Variants in PDGFD observed in about 807,000 individuals in gnomAD.
The protein encoded by PDGFD is platelet derived growth factor D.
A neutral mutation model predicts 44.7 loss-of-function variants in PDGFD; 30 were observed. That is an observed-to-expected ratio of 0.67 (90% confidence interval 0.50 to 0.91). The LOEUF (loss-of-function observed/expected upper bound fraction) is 0.91, where lower values mean the gene tolerates loss of function less well. Ranked by LOEUF, PDGFD falls within the 40% of genes least tolerant of loss-of-function variation. The pLI, the probability that PDGFD is intolerant of heterozygous loss-of-function variation, is 0.00. For missense variants in PDGFD, 445 were observed against 457.8 expected (o/e 0.97, Z 0.25); for synonymous variants, 173 against 168.4 (o/e 1.03, Z -0.21).
At chr11:104,085,040 AC>A (rs1331815501) in intron 1 of PDGFD, among the ~76,000 whole-genome samples, 1 of 150,802 alleles carries the variant, frequency 6.6e-6, no homozygotes, top group African/African-American at 2.4e-5. Context: ...ATATTTCAAA[AC>A]AAAAAAAATT....
rs550111282 is a variant in PDGFD at position 104,079,410 on chromosome 11, CAG to C, written c.125-79157_125-79156del. Among the ~76,000 whole-genome samples, 599 of 152,228 alleles carry C rather than the reference CAG, an allele frequency of 3.9e-3. 3 individuals are homozygous for C. The highest frequency in any genetic ancestry group is 0.013 in the African/African-American group (527 of 41,534). On this transcript the variant is annotated intron_variant, in intron 1 of 6. Coordinates refer to ENST00000393158, the MANE Select transcript of PDGFD (RefSeq NM_025208.5). ...TTTTCTTTCTTTTTCTTTTTCGAGA[CAG>C]AGTCTCACACTGTTGCCTGGACTGG...
At chr11:104,085,105 G>A (rs1378600009) in intron 1 of PDGFD, among the ~76,000 whole-genome samples, 1 of 150,988 alleles carries the variant, frequency 6.6e-6, no homozygotes, top group Non-Finnish European at 1.5e-5. Context: ...TTATCAGTTT[G>A]TACTTTTTTT....
At chr11:104,144,543 A>AAAAAACCCAACCAAC (rs1565347760) in intron 1 of PDGFD, among the ~76,000 whole-genome samples, 2 of 142,750 alleles carry the variant, frequency 1.4e-5, no homozygotes, top group African/African-American at 2.7e-5. Context: ...ACAAAACAAA[A>AAAAAACCCAACCAAC]CAAACAAACA....
At chr11:104,112,590 T>C (rs987473282) in intron 1 of PDGFD, among the ~76,000 whole-genome samples, 3 of 152,144 alleles carry the variant, frequency 2.0e-5, no homozygotes, top group South Asian at 2.1e-4. Context: ...ACTGTAGCAC[T>C]ATTCACAATG....
intron 3 of PDGFD, among the ~76,000 whole-genome samples, chr11:103,964,725 A>C (rs1435802918): frequency 1.3e-5 from 2 of 152,086 alleles, no homozygotes; most frequent in Non-Finnish European, 1.5e-5. Flanking sequence ...TGAGGTGCAC[A>C]GGGAGCAGGT....
chr11:103,909,468 A>G lies in PDGFD; in HGVS notation c.*226T>C, dbSNP rs1353719367. 1 of 509,298 alleles carries G rather than the reference A, an allele frequency of 2.0e-6. No individual in the cohort carries two copies. Among genetic ancestry groups the G allele is most frequent in the Non-Finnish European group, 3.5e-6 (1 of 282,428 alleles). The allele number at this position is 509,298 out of a possible 1,614,324, so 31.5% of individuals were successfully genotyped here. ...TGTGTTTGTGCATATATAACCTCAAACACTATTATTAAATGCAATCCTATA... is the reference window on the plus strand; with the variant it reads ...TGTGTTTGTGCATATATAACCTCAAGCACTATTATTAAATGCAATCCTATA... On this transcript the variant is annotated 3_prime_UTR_variant, in exon 7 of 7. Coordinates refer to ENST00000393158, the MANE Select transcript of PDGFD (RefSeq NM_025208.5).
chr11:104,119,109 T>TTAATA lies in PDGFD; in HGVS notation c.124+44690_124+44694dup, dbSNP rs1335750797. 6.2e-5 allele frequency among the ~76,000 whole-genome samples: 4 copies of TTAATA among 64,258 alleles called. 1 individual carries two copies. Among genetic ancestry groups the TTAATA allele is most frequent in the Non-Finnish European group, 1.0e-4 (4 of 38,478 alleles). The allele number at this position is 64,258 out of a possible 152,430, so 42.2% of individuals were successfully genotyped here. A position where few individuals can be genotyped will look rare whatever the true frequency, so the allele number is the denominator to read the frequency against. ...ATATATTGATATAATATATAATATA[T>TTAATA]TAATATAATATATTGATATAATATA... is the stretch of plus-strand genomic sequence containing the variant. On this transcript the variant is annotated intron_variant, in intron 1 of 6. Transcript: ENST00000393158.
At chr11:103,922,599 G>C (rs1231143036) in intron 6 of PDGFD, among the ~76,000 whole-genome samples, 1 of 152,066 alleles carries the variant, frequency 6.6e-6, no homozygotes, top group Non-Finnish European at 1.5e-5. Flanking sequence ...ACCCAGGCTA[G>C]AGTGCAGTTG....
At chr11:103,986,284 G>A (rs1859361633) in intron 3 of PDGFD, among the ~76,000 whole-genome samples, 1 of 152,152 alleles carries the variant, frequency 6.6e-6, no homozygotes, top group South Asian at 2.1e-4. Context: ...GAATCTTACA[G>A]CAAATAGAGC....
chr11:104,044,776 C>T (rs769864364), intron 1 of PDGFD, among the ~76,000 whole-genome samples: 72 of 152,236 alleles, frequency 4.7e-4, no homozygotes, highest in Non-Finnish European at 9.7e-4. Context: ...TGGTGGCTCA[C>T]CCCTGTAATC....
chr11:104,096,735 T>C (rs1460882717), intron 1 of PDGFD, among the ~76,000 whole-genome samples: 3 of 152,180 alleles, frequency 2.0e-5, no homozygotes, highest in East Asian at 3.9e-4. Flanking sequence ...CAGGGTATTA[T>C]TTGTAACTAG....
chr11:104,030,085 C>T (rs138275512), intron 1 of PDGFD, among the ~76,000 whole-genome samples: 2 of 152,170 alleles, frequency 1.3e-5, no homozygotes, highest in African/African-American at 4.8e-5. Flanking sequence ...ATAAAATTAC[C>T]TTCAGTCTAT....
chr11:103,909,821 T>C lies in PDGFD; in HGVS notation c.988-2A>G, dbSNP rs2134296606. ...GTGGCCAGGCTCAAACTGTAATACC[T>C]AGGACAAGAAGCACATCTCCTGTTA... On this transcript the variant is annotated splice_acceptor_variant, in intron 6 of 6. Transcript: ENST00000393158. LOFTEE classifies it high-confidence loss of function. The C allele has an allele frequency of 6.2e-7, 1 of 1,614,138 alleles. No individual in the cohort carries two copies. Among genetic ancestry groups the C allele is most frequent in the Non-Finnish European group, 8.5e-7 (1 of 1,179,994 alleles).
intron 1 of PDGFD, among the ~76,000 whole-genome samples, chr11:104,091,495 C>T (rs1861212461): frequency 6.6e-6 from 1 of 152,114 alleles, no homozygotes. Flanking sequence ...GGTATATATT[C>T]AAAAATTGAT....
intron 3 of PDGFD, among the ~76,000 whole-genome samples, chr11:103,978,715 G>C: frequency 6.6e-6 from 1 of 152,004 alleles, no homozygotes; most frequent in South Asian, 2.1e-4. Flanking sequence ...AAATATAGCT[G>C]AACTGAAAAT....
At chr11:104,045,189 A>C (rs1860420878) in intron 1 of PDGFD, among the ~76,000 whole-genome samples, 1 of 152,288 alleles carries the variant, frequency 6.6e-6, no homozygotes, top group African/African-American at 2.4e-5. Context: ...CTTCTAAACA[A>C]GCTGAAAATA....
At chr11:103,949,006 T>C (rs944595576) in intron 3 of PDGFD, among the ~76,000 whole-genome samples, 1 of 140,358 alleles carries the variant, frequency 7.1e-6, no homozygotes, top group African/African-American at 2.7e-5. Context: ...TTTTTTTTTT[T>C]TTTTTTTTTT....
intron 3 of PDGFD, among the ~76,000 whole-genome samples, chr11:103,987,491 ATGTT>A (rs1247410239): frequency 6.6e-6 from 1 of 152,066 alleles, no homozygotes; most frequent in East Asian, 1.9e-4. Context: ...AAGTGTACCC[ATGTT>A]TGTTTATCAA....
intron 1 of PDGFD, among the ~76,000 whole-genome samples, chr11:104,029,136 T>A: frequency 6.6e-6 from 1 of 152,212 alleles, no homozygotes; most frequent in East Asian, 1.9e-4. Context: ...GAGTGCCACA[T>A]CTTTCAGAAT....
Sources: allele counts gnomAD v4.1 joint callset (sites outside exome capture counted in the v4.1 genomes callset), GRCh38; gene constraint gnomAD v4.1.1; transcripts MANE v1.5; gene names NCBI Gene and HGNC (gene_info 2026-07-23, HGNC 2026-07-21).